IDO2: variants seen among roughly 807,000 people sequenced by gnomAD.
IDO2 encodes indoleamine 2,3-dioxygenase-like 1 protein.
A neutral mutation model predicts 45.1 loss-of-function variants in IDO2; 46 were observed. The observed-to-expected ratio is 1.02, with a 90% CI of 0.80 to 1.30. The LOEUF (loss-of-function observed/expected upper bound fraction) is 1.30, where lower values mean the gene tolerates loss of function less well. Ranked by LOEUF, IDO2 falls within the 50% of genes most tolerant of loss-of-function variation. The probability of loss-of-function intolerance (pLI) is 0.00; values close to 1 mark genes in which losing one functional copy is unlikely to be tolerated. For missense variants in IDO2, 544 were observed against 491.8 expected (o/e 1.11, Z -1.00); for synonymous variants, 218 against 184.9 (o/e 1.18, Z -1.45).
chr8:39,953,198 G>A (rs1585398301), intron 2 of IDO2, among the ~76,000 whole-genome samples: 1 of 152,140 alleles, frequency 6.6e-6, no homozygotes, highest in Non-Finnish European at 1.5e-5. Flanking sequence ...CACAGGGCCA[G>A]GCCTGGAGTT....
At chr8:39,955,823 A>T (rs1370156901) in intron 2 of IDO2, among the ~76,000 whole-genome samples, 1 of 152,184 alleles carries the variant, frequency 6.6e-6, no homozygotes, top group Non-Finnish European at 1.5e-5. Context: ...CGTTTTCTAT[A>T]TTTCTAGATT....
At chr8:39,984,093 A>G (rs1808390702) in intron 5 of IDO2, among the ~76,000 whole-genome samples, 1 of 152,232 alleles carries the variant, frequency 6.6e-6, no homozygotes, top group Non-Finnish European at 1.5e-5. Flanking sequence ...GGTACTGAAT[A>G]TTGAATAAGC....
chr8:40,008,553 C>A (rs1048530342), intron 9 of IDO2, among the ~76,000 whole-genome samples: 1 of 152,300 alleles, frequency 6.6e-6, no homozygotes, highest in Non-Finnish European at 1.5e-5. Context: ...ATATATCATA[C>A]TGACAGACAT....
intron 2 of IDO2, among the ~76,000 whole-genome samples, chr8:39,958,400 A>T (rs1301650042): frequency 2.1e-5 from 3 of 145,740 alleles, no homozygotes; most frequent in Non-Finnish European, 4.5e-5. Context: ...CACCCAGCTA[A>T]TTTTTTTCTT....
intron 6 of IDO2, chr8:39,987,561 G>T (rs1284941729): frequency 4.2e-6 from 1 of 240,200 alleles, no homozygotes; most frequent in Non-Finnish European, 8.2e-6. Flanking sequence ...TGGAGAATCA[G>T]CTACATCTCT....
chr8:40,015,231 G>A lies in IDO2; in HGVS notation c.869-16G>A, dbSNP rs1802369520. The A allele has an allele frequency of 4.2e-6, 6 of 1,412,400 alleles. No individual in the cohort carries two copies. The highest frequency in any genetic ancestry group is 6.0e-6 in the Non-Finnish European group (6 of 1,007,942). The allele number at this position is 1,412,400 out of a possible 1,614,324, so 87.5% of individuals were successfully genotyped here. On this transcript the variant is annotated splice_polypyrimidine_tract_variant and intron_variant, in intron 10 of 10. Transcript: ENST00000502986. ...CCATGTGGAGCTATGACGTTATGCT[G>A]TATTGTTTCTTTCAGGTGACTTTCT...
Position 39,987,989 on chromosome 8 carries a change from G to C in IDO2, c.549+19G>C. On this transcript the variant is annotated intron_variant, in intron 7 of 10. Transcript: ENST00000502986. ...GATAAAGGTATCTTCTCACTTGATA[G>C]CACCTTTTCTTTTTAAATGAGCTTG... is the stretch of plus-strand genomic sequence containing the variant. The C allele has an allele frequency of 6.9e-7, 1 of 1,442,482 alleles. No homozygotes were observed. The highest frequency in any genetic ancestry group is 9.7e-7 in the Non-Finnish European group (1 of 1,035,570). The allele number at this position is 1,442,482 out of a possible 1,614,324, so 89.4% of individuals were successfully genotyped here. A position where few individuals can be genotyped will look rare whatever the true frequency, so the allele number is the denominator to read the frequency against.
rs193210603 is a variant in IDO2 at position 39,947,849 on chromosome 8, G to T, written c.-17-1300G>T. On this transcript the variant is annotated intron_variant, in intron 1 of 10. Coordinates refer to ENST00000502986, the Ensembl canonical transcript of IDO2. ...GTTGCCCAGCCTGGAGTGCAATGGC[G>T]CGATCTCGGCTCACTGCAACCTCCA... 4.0e-3 allele frequency among the ~76,000 whole-genome samples: 600 copies of T among 148,268 alleles called. 6 individuals are homozygous for T. The highest frequency in any genetic ancestry group is 0.014 in the African/African-American group (573 of 40,156).
intron 8 of IDO2, among the ~76,000 whole-genome samples, chr8:40,004,115 G>T (rs181647141): frequency 6.6e-6 from 1 of 152,132 alleles, no homozygotes; most frequent in Non-Finnish European, 1.5e-5. Context: ...AGCAGTATTG[G>T]TGAAAAGACA....
intron 8 of IDO2, 42 bp downstream of exon 8, chr8:39,989,880 C>T (rs769701892): frequency 7.3e-7 from 1 of 1,377,336 alleles, no homozygotes; most frequent in East Asian, 2.5e-5. Flanking sequence ...CCCAGGGGTC[C>T]TGGGCTCTGC....
intron 5 of IDO2, among the ~76,000 whole-genome samples, chr8:39,983,072 C>T (rs533519137): frequency 1.3e-5 from 2 of 152,298 alleles, no homozygotes; most frequent in East Asian, 3.9e-4. Context: ...ACTGTTTATT[C>T]CCTAAGATGC....
chr8:39,948,088 C>A (rs889690258), intron 1 of IDO2, among the ~76,000 whole-genome samples: 1 of 152,226 alleles, frequency 6.6e-6, no homozygotes, highest in Non-Finnish European at 1.5e-5. Context: ...CTGCGCCCAG[C>A]CTCGAGTGCT....
intron 8 of IDO2, among the ~76,000 whole-genome samples, chr8:40,003,356 G>A (rs927255939): frequency 9.3e-5 from 12 of 129,636 alleles, no homozygotes; most frequent in Admixed American, 1.7e-4. Context: ...GGTGAAGAGC[G>A]AGACTCCATC....
At chr8:39,981,215 CA>C (rs1212870073) in intron 4 of IDO2, among the ~76,000 whole-genome samples, 3 of 151,536 alleles carry the variant, frequency 2.0e-5, no homozygotes, top group African/African-American at 7.3e-5. Context: ...GCGCCCACCA[CA>C]ACGCCTGGCT....
chr8:39,982,790 C>G lies in IDO2; in HGVS notation c.434+20C>G. On this transcript the variant is annotated intron_variant, in intron 5 of 10. Transcript: ENST00000502986. Reference sequence around the variant, plus strand: ...AGACGGGTAAGGAAGGAAGAGAATGCTTTGAATTTCCATAACTTTCCCCCA... The same window carrying G: ...AGACGGGTAAGGAAGGAAGAGAATGGTTTGAATTTCCATAACTTTCCCCCA... 7.0e-7 allele frequency: 1 copy of G among 1,426,930 alleles called. No homozygotes were observed. The allele number at this position is 1,426,930 out of a possible 1,614,324, so 88.4% of individuals were successfully genotyped here. A position where few individuals can be genotyped will look rare whatever the true frequency, so the allele number is the denominator to read the frequency against.
intron 5 of IDO2, among the ~76,000 whole-genome samples, chr8:39,984,573 A>G (rs1808396574): frequency 1.3e-5 from 2 of 152,208 alleles, no homozygotes; most frequent in African/African-American, 4.8e-5. Context: ...AGATGCGGAC[A>G]CAGTCCTGGG....
intron 1 of IDO2, among the ~76,000 whole-genome samples, chr8:39,936,378 T>C (rs1009076106): frequency 1.3e-5 from 2 of 152,204 alleles, no homozygotes; most frequent in East Asian, 1.9e-4. Flanking sequence ...GAAGTAAAGA[T>C]GGTAGCTTAA....
At chr8:39,938,371 G>A (rs1271675593) in intron 1 of IDO2, among the ~76,000 whole-genome samples, 12 of 152,018 alleles carry the variant, frequency 7.9e-5, no homozygotes, top group Middle Eastern at 3.2e-3. Flanking sequence ...AAATATATCT[G>A]TAAATGAATT....
intron 8 of IDO2, among the ~76,000 whole-genome samples, chr8:39,991,758 AT>A (rs1801933043): frequency 1.3e-5 from 2 of 152,030 alleles, no homozygotes; most frequent in Admixed American, 1.3e-4. Flanking sequence ...TTTAGTAGAG[AT>A]GGGGTTTCGC....
Sources: gnomAD v4.1 joint callset for allele counts (sites outside exome capture counted in the v4.1 genomes callset) on GRCh38, gnomAD v4.1.1 for gene constraint, MANE v1.5 for transcripts, NCBI Gene and HGNC (gene_info 2026-07-23, HGNC 2026-07-21) for gene names.